The following KCTD3 variants were observed in gnomAD, a reference collection of about 807,000 sequenced individuals.
KCTD3 encodes potassium channel tetramerization domain containing 3.
Under a neutral mutation model 85.8 loss-of-function variants are expected in KCTD3, and 41 were observed. That is an observed-to-expected ratio of 0.48 (90% CI 0.37 to 0.62). KCTD3 has a LOEUF of 0.62. Ranked by LOEUF, KCTD3 falls within the 20% of genes least tolerant of loss-of-function variation. The probability of loss-of-function intolerance (pLI) is 0.00; values close to 1 mark genes in which losing one functional copy is unlikely to be tolerated. For synonymous variants in KCTD3, 338 were observed against 345.4 expected (o/e 0.98, Z 0.24); for missense variants, 724 against 989.9 (o/e 0.73, Z 3.60).
At position 215,596,521 on chromosome 1, in the gene KCTD3, C is replaced by T. The variant is rs182966543; in HGVS notation, c.933+1050C>T. On this transcript the variant is annotated intron_variant, in intron 10 of 17. Coordinates refer to ENST00000259154, the MANE Select transcript of KCTD3 (RefSeq NM_016121.5). Reference sequence around the variant, plus strand: ...TTAGCATTTAAGGGGACAGGATAGACAACCAAGAGCCAAAGGGACACATTA... The same window carrying T: ...TTAGCATTTAAGGGGACAGGATAGATAACCAAGAGCCAAAGGGACACATTA... 1.6e-4 allele frequency among the ~76,000 whole-genome samples: 25 copies of T among 152,164 alleles called. No homozygotes were observed. In the East Asian group the frequency reaches 4.6e-3, roughly 28 times the overall value.
intron 8 of KCTD3, among the ~76,000 whole-genome samples, chr1:215,585,220 T>C (rs747298143): frequency 1.3e-5 from 2 of 152,210 alleles, no homozygotes; most frequent in African/African-American, 4.8e-5. Context: ...ATTAGGTAAG[T>C]ATTTAAGTAT....
chr1:215,602,175 T>C lies in KCTD3; in HGVS notation c.1112T>C (p.Leu371Pro). ...CCTTCAAATGATGCTATTACTGCTCTGAGTGTTTACCTCACACCCAAAACA... is the reference window on the plus strand; with the variant it reads ...CCTTCAAATGATGCTATTACTGCTCCGAGTGTTTACCTCACACCCAAAACA... ...HDPSNDAITA[L>P]SVYLTPKTSV... The change falls in exon 12 of 18, where the codon CTG becomes CCG. Residue 371 changes from leucine (L) to proline (P), a missense_variant. Coordinates refer to ENST00000259154, the MANE Select transcript of KCTD3 (RefSeq NM_016121.5). 1.2e-6 allele frequency: 2 copies of C among 1,601,164 alleles called. No individual in the cohort carries two copies. Among genetic ancestry groups the C allele is most frequent in the Non-Finnish European group, 1.7e-6 (2 of 1,169,906 alleles).
chr1:215,608,303 A>G (rs994400182), intron 14 of KCTD3, 131 bp downstream of exon 14: 2 of 548,174 alleles, frequency 3.6e-6, no homozygotes, highest in Non-Finnish European at 6.0e-6. Context: ...TTCTAAACAG[A>G]ATTTTAGTGT....
chr1:215,589,664 A>C (rs1660141664), intron 9 of KCTD3, among the ~76,000 whole-genome samples: 3 of 152,164 alleles, frequency 2.0e-5, no homozygotes, highest in Admixed American at 2.0e-4. Flanking sequence ...GGTTTCCTTT[A>C]TCTAGAATTT....
intron 8 of KCTD3, among the ~76,000 whole-genome samples, chr1:215,582,518 G>A (rs1210863910): frequency 6.6e-6 from 1 of 151,868 alleles, no homozygotes; most frequent in Non-Finnish European, 1.5e-5. Flanking sequence ...GCATATTCTT[G>A]TTTTATATTT....
chr1:215,581,816 A>G (rs1052714075), intron 8 of KCTD3, among the ~76,000 whole-genome samples: 1 of 152,252 alleles, frequency 6.6e-6, no homozygotes, highest in Non-Finnish European at 1.5e-5. Context: ...CAATGGCAAT[A>G]AAAAGATTTC....
chr1:215,605,838 A>G (rs1177844573), intron 13 of KCTD3, among the ~76,000 whole-genome samples: 1 of 152,174 alleles, frequency 6.6e-6, no homozygotes, highest in East Asian at 1.9e-4. Context: ...AAATCCAGTC[A>G]CTTTTCATTG....
Position 215,620,973 on chromosome 1 carries a change from A to G in KCTD3, c.*355A>G, listed in dbSNP as rs879080897. The G allele has an allele frequency of 2.4e-4, 59 of 248,276 alleles. No homozygotes were observed. Among genetic ancestry groups the G allele is most frequent in the South Asian group, 2.0e-3 (12 of 6,144 alleles). 15.4% of individuals were successfully genotyped at this position (248,276 alleles called of 1,614,324 possible). On this transcript the variant is annotated 3_prime_UTR_variant, in exon 18 of 18. Transcript: ENST00000259154. ...ATGGGAACCAGCAGACTGCATTCCT[A>G]ATCTTCATTATGCCTGAGACTTGTC...
intron 14 of KCTD3, among the ~76,000 whole-genome samples, chr1:215,608,383 G>C (rs1655111859): frequency 6.6e-6 from 1 of 151,784 alleles, no homozygotes; most frequent in Non-Finnish European, 1.5e-5. Flanking sequence ...AAATGTTAGA[G>C]CAAATTTTTC....
chr1:215,584,685 T>C (rs1659944751), intron 8 of KCTD3, among the ~76,000 whole-genome samples: 1 of 152,164 alleles, frequency 6.6e-6, no homozygotes, highest in Admixed American at 6.5e-5. Flanking sequence ...TTTTATCAGC[T>C]CTATGAGTCA....
intron 9 of KCTD3, among the ~76,000 whole-genome samples, chr1:215,587,945 T>A (rs1034843856): frequency 1.3e-5 from 2 of 152,208 alleles, no homozygotes; most frequent in South Asian, 2.1e-4. Flanking sequence ...TTTCATTGTA[T>A]AATATGAAAA....
chr1:215,595,963 C>A (rs909402168), intron 10 of KCTD3, among the ~76,000 whole-genome samples: 1 of 152,106 alleles, frequency 6.6e-6, no homozygotes, highest in African/African-American at 2.4e-5. Flanking sequence ...AGAAAGATAA[C>A]AGTGGTTGCT....
Position 215,586,366 on chromosome 1 carries a change from G to A in KCTD3, c.627-129G>A. The A allele has an allele frequency of 4.2e-6, 3 of 711,852 alleles. No individual in the cohort carries two copies. The South Asian group carries it at 6.3e-5, about 15-fold the overall frequency. The allele number at this position is 711,852 out of a possible 1,614,324, so 44.1% of individuals were successfully genotyped here. On this transcript the variant is annotated intron_variant, in intron 8 of 17. Coordinates refer to ENST00000259154, the MANE Select transcript of KCTD3 (RefSeq NM_016121.5). ...AACAAAATTTTATTTGTAATAGGAA[G>A]GTGGATGGGTAACTGTTTAGTTTTT...
intron 14 of KCTD3, 137 bp downstream of exon 14, chr1:215,608,309 AGT>A (rs1655109049): frequency 5.4e-6 from 3 of 550,786 alleles, no homozygotes; most frequent in East Asian, 3.2e-5. Flanking sequence ...ACAGAATTTT[AGT>A]GTGTTTTTCT....
chr1:215,613,812 T>A (rs1398129999), intron 15 of KCTD3, among the ~76,000 whole-genome samples: 4 of 152,046 alleles, frequency 2.6e-5, no homozygotes, highest in African/African-American at 9.7e-5. Context: ...GTTTTAAGTA[T>A]ATGGCTTTGT....
intron 10 of KCTD3, among the ~76,000 whole-genome samples, chr1:215,598,991 A>G (rs555834449): frequency 6.6e-6 from 1 of 152,348 alleles, no homozygotes; most frequent in South Asian, 2.1e-4. Flanking sequence ...GTGCTATAAT[A>G]AAAGATAAAT....
intron 15 of KCTD3, chr1:215,618,405 T>C (rs1187409613): frequency 6.0e-6 from 1 of 165,754 alleles, no homozygotes; most frequent in East Asian, 1.8e-4. Flanking sequence ...TTTTTTTGTC[T>C]ATTTTTTTGA....
chr1:215,581,972 T>C (rs1659842087), intron 8 of KCTD3, among the ~76,000 whole-genome samples: 1 of 152,252 alleles, frequency 6.6e-6, no homozygotes, highest in African/African-American at 2.4e-5. Context: ...CTAGCTTCAC[T>C]AATTTTCTAC....
At chr1:215,617,864 TTAAA>T (rs1168679855) in intron 15 of KCTD3, among the ~76,000 whole-genome samples, 2 of 147,900 alleles carry the variant, frequency 1.4e-5, no homozygotes, top group Non-Finnish European at 3.0e-5. Context: ...GTAATATATA[TTAAA>T]TATATATAAT....
Sources: allele counts gnomAD v4.1 joint callset (sites outside exome capture counted in the v4.1 genomes callset), GRCh38; gene constraint gnomAD v4.1.1; transcripts MANE v1.5; gene names NCBI Gene and HGNC (gene_info 2026-07-23, HGNC 2026-07-21).